Variants in KPNA6 observed in about 807,000 individuals in gnomAD.
KPNA6 encodes karyopherin subunit alpha 6, also known as importin subunit alpha-7.
KPNA6 carries 9 observed loss-of-function variants against 72.0 expected under a neutral mutation model. That is an observed-to-expected ratio of 0.13 (90% CI 0.08 to 0.22). The LOEUF is 0.22. Among genes scored for constraint, KPNA6 ranks in the 10% least tolerant of loss-of-function variants. The pLI, the probability that KPNA6 is intolerant of heterozygous loss-of-function variation, is 1.00. For missense variants in KPNA6, 374 were observed against 655.7 expected (o/e 0.57, Z 4.69); for synonymous variants, 219 against 242.1 (o/e 0.90, Z 0.89).
chr1:32,126,337 C>A (rs1480610028), intron 1 of KPNA6, among the ~76,000 whole-genome samples: 1 of 118,688 alleles, frequency 8.4e-6, no homozygotes, highest in Non-Finnish European at 1.6e-5. Flanking sequence ...TGGAAGGAAC[C>A]CATGTTCCCT....
intron 6 of KPNA6, 47 bp from the exon 7 acceptor site, chr1:32,160,568 A>T: frequency 6.9e-7 from 1 of 1,459,252 alleles, no homozygotes; most frequent in Non-Finnish European, 9.6e-7. Flanking sequence ...AAGTACTCAC[A>T]GGAGTACCAA....
chr1:32,156,839 C>T lies in KPNA6; in HGVS notation c.139-14C>T, dbSNP rs1292174743. The stretch of plus-strand genomic sequence containing the variant: ...TTCAGAGAGTACTCTTAACCACTGT[C>T]TCTTTACTTTCAGCTTTTTAAACGG... On this transcript the variant is annotated splice_polypyrimidine_tract_variant and intron_variant, in intron 2 of 13. Transcript: ENST00000373625. 5.6e-6 allele frequency: 9 copies of T among 1,600,712 alleles called. No homozygotes were observed. The Admixed American group carries it at 1.5e-4, about 27-fold the overall frequency.
rs536947826 is a variant in KPNA6, at chr1:32,176,270, A to G, written c.*5376A>G. The G allele has an allele frequency of 7.2e-5, 11 of 152,118 alleles. No individual in the cohort carries two copies. The highest frequency in any genetic ancestry group is 3.4e-3 in the Middle Eastern group (1 of 294). 9.4% of individuals were successfully genotyped at this position (152,118 alleles called of 1,614,324 possible). A position where few individuals can be genotyped will look rare whatever the true frequency, so the allele number is the denominator to read the frequency against. Reference sequence around the variant, plus strand: ...CCGAGAATGGCTTGGGTTACCAGCTATGGACCCTTGGAAGATGAATCTAAT... The same window carrying G: ...CCGAGAATGGCTTGGGTTACCAGCTGTGGACCCTTGGAAGATGAATCTAAT... On this transcript the variant is annotated 3_prime_UTR_variant, in exon 14 of 14. Coordinates refer to ENST00000373625, the MANE Select transcript of KPNA6 (RefSeq NM_012316.5).
intron 1 of KPNA6, among the ~76,000 whole-genome samples, chr1:32,130,615 GTC>G (rs899960615): frequency 3.0e-4 from 46 of 151,972 alleles, no homozygotes; most frequent in African/African-American, 1.1e-3. Flanking sequence ...GTGAAACCCT[GTC>G]TCTACTAAAA....
intron 1 of KPNA6, among the ~76,000 whole-genome samples, chr1:32,145,659 A>T (rs1641917586): frequency 6.6e-6 from 1 of 152,202 alleles, no homozygotes; most frequent in African/African-American, 2.4e-5. Flanking sequence ...TGTATAAAAT[A>T]TTCTCTATAC....
At chr1:32,122,801 C>G (rs1268250482) in intron 1 of KPNA6, among the ~76,000 whole-genome samples, 1 of 151,476 alleles carries the variant, frequency 6.6e-6, no homozygotes, top group Non-Finnish European at 1.5e-5. Flanking sequence ...ACTAAAAATA[C>G]AAAAAATTAG....
At chr1:32,147,527 G>A (rs1641948937) in intron 1 of KPNA6, among the ~76,000 whole-genome samples, 1 of 151,994 alleles carries the variant, frequency 6.6e-6, no homozygotes, top group Non-Finnish European at 1.5e-5. Flanking sequence ...TGAACTCCTG[G>A]GCTCAAGTAA....
chr1:32,158,978 G>C (rs1340658795), intron 5 of KPNA6, among the ~76,000 whole-genome samples: 1 of 152,104 alleles, frequency 6.6e-6, no homozygotes, highest in African/African-American at 2.4e-5. Flanking sequence ...ATGGGTGATG[G>C]GTCAATCCAT....
intron 1 of KPNA6, among the ~76,000 whole-genome samples, chr1:32,134,072 G>A (rs1216228891): frequency 5.3e-5 from 8 of 151,702 alleles, no homozygotes; most frequent in African/African-American, 1.7e-4. Context: ...GTGAAACCTC[G>A]TCTCTACTAA....
At chr1:32,160,169 C>T (rs949857506) in intron 6 of KPNA6, among the ~76,000 whole-genome samples, 1 of 152,062 alleles carries the variant, frequency 6.6e-6, no homozygotes, top group East Asian at 1.9e-4. Flanking sequence ...CATGGTGGAG[C>T]TTACCTGTAA....
intron 1 of KPNA6, among the ~76,000 whole-genome samples, chr1:32,146,349 T>G (rs1338921887): frequency 6.6e-6 from 1 of 152,230 alleles, no homozygotes; most frequent in African/African-American, 2.4e-5. Flanking sequence ...CCATATGATG[T>G]CCTTTCTTTT....
chr1:32,162,326 T>C (rs1180945011), intron 8 of KPNA6, 35 bp from the exon 9 acceptor site: 2 of 1,546,110 alleles, frequency 1.3e-6, no homozygotes. Flanking sequence ...ATAGTCTTGT[T>C]CCCCTGTGAG....
At chr1:32,143,371 A>T (rs1166929450) in intron 1 of KPNA6, among the ~76,000 whole-genome samples, 1 of 148,272 alleles carries the variant, frequency 6.7e-6, no homozygotes, top group Admixed American at 6.7e-5. Context: ...AATGCCGATT[A>T]AAAAAAAAAA....
At chr1:32,121,098 A>T (rs1199244386) in intron 1 of KPNA6, among the ~76,000 whole-genome samples, 1 of 152,088 alleles carries the variant, frequency 6.6e-6, no homozygotes, top group African/African-American at 2.4e-5. Context: ...GCTGGTCTGG[A>T]ATTCCTGACC....
intron 1 of KPNA6, among the ~76,000 whole-genome samples, chr1:32,136,478 T>C (rs958185911): frequency 1.3e-5 from 2 of 152,094 alleles, no homozygotes; most frequent in Admixed American, 6.6e-5. Context: ...TAGCTTCTCT[T>C]GAAAATCTGA....
chr1:32,156,789 T>G, intron 2 of KPNA6, 64 bp from the exon 3 acceptor site: 2 of 1,245,524 alleles, frequency 1.6e-6, no homozygotes, highest in Non-Finnish European at 2.3e-6. Context: ...TAATTTAACA[T>G]TGGATTGTTC....
intron 1 of KPNA6, among the ~76,000 whole-genome samples, chr1:32,127,755 T>C (rs1420130939): frequency 2.0e-5 from 3 of 152,186 alleles, no homozygotes; most frequent in African/African-American, 7.2e-5. Context: ...CCTTCAGAAA[T>C]ATTAACCATC....
intron 13 of KPNA6, 106 bp downstream of exon 13, chr1:32,170,166 C>A (rs1642410888): frequency 2.0e-6 from 2 of 976,088 alleles, no homozygotes; most frequent in Admixed American, 2.5e-5. Flanking sequence ...GCATCCATAG[C>A]TTCCATGAGA....
At chr1:32,162,839 GA>G (rs994017718) in intron 9 of KPNA6, among the ~76,000 whole-genome samples, 5 of 131,528 alleles carry the variant, frequency 3.8e-5, no homozygotes, top group African/African-American at 8.6e-5. Context: ...CGTCTCAAAG[GA>G]AAAAAAAGAA....
Sources: gnomAD v4.1 joint callset for allele counts (sites outside exome capture counted in the v4.1 genomes callset) on GRCh38, gnomAD v4.1.1 for gene constraint, MANE v1.5 for transcripts, NCBI Gene and HGNC (gene_info 2026-07-23, HGNC 2026-07-21) for gene names.